Variants in ABCB4 observed in about 807,000 individuals in gnomAD.
ABCB4 encodes the protein phosphatidylcholine translocator ABCB4.
ABCB4 carries 76 observed loss-of-function variants against 145.7 expected under a neutral mutation model. That is an observed-to-expected ratio of 0.52 (90% CI 0.43 to 0.63). The LOEUF (loss-of-function observed/expected upper bound fraction) is 0.63. Among genes scored for constraint, ABCB4 ranks in the 30% least tolerant of loss-of-function variants. The pLI is 0.00. For synonymous variants in ABCB4, 517 were observed against 566.8 expected, an observed-to-expected ratio of 0.91 and a Z score of 1.25; for missense variants, 1,234 against 1,553.1, an observed-to-expected ratio of 0.79 and a Z score of 3.45.
chr7:87,394,434 G>A, the ABCB4 span, among the ~76,000 whole-genome samples: 1 of 152,050 alleles, frequency 6.6e-6, no homozygotes. Flanking sequence ...CTCCCAAGAA[G>A]CAGAGAAAAG....
At chr7:87,397,767 T>TTTAAC (rs1584656382), downstream of ABCB4, among the ~76,000 whole-genome samples, 1 of 152,374 alleles carries the variant, frequency 6.6e-6, no homozygotes, top group East Asian at 1.9e-4. Flanking sequence ...TTTCTCTTTG[T>TTTAAC]TTAACTTAAA....
intron 15 of ABCB4, among the ~76,000 whole-genome samples, chr7:87,430,352 A>G (rs982433791): frequency 2.6e-5 from 4 of 152,210 alleles, no homozygotes; most frequent in Non-Finnish European, 4.4e-5. Flanking sequence ...AGTTGTATCA[A>G]AGCAAATGTA....
intron 21 of ABCB4, among the ~76,000 whole-genome samples, 167 bp from the exon 22 acceptor site, chr7:87,413,884 A>C (rs1808793488): frequency 6.6e-6 from 1 of 152,238 alleles, no homozygotes; most frequent in African/African-American, 2.4e-5. Context: ...TAGCTTTATG[A>C]CAAAACTGGT....
intron 25 of ABCB4, among the ~76,000 whole-genome samples, 169 bp downstream of exon 25, chr7:87,407,868 T>C (rs1038432404): frequency 2.0e-5 from 3 of 152,338 alleles, no homozygotes; most frequent in African/African-American, 7.2e-5. Flanking sequence ...TTCTGTCCTA[T>C]TGTCCCCATA....
At chr7:87,455,750 A>G (rs372317954) in intron 4 of ABCB4, among the ~76,000 whole-genome samples, 4 of 152,324 alleles carry the variant, frequency 2.6e-5, no homozygotes, top group Middle Eastern at 3.4e-3. Flanking sequence ...CCATGGTCCT[A>G]GGAGAGAAAT....
intron 4 of ABCB4, among the ~76,000 whole-genome samples, chr7:87,456,635 C>G (rs1347405534): frequency 6.6e-6 from 1 of 152,144 alleles, no homozygotes; most frequent in Non-Finnish European, 1.5e-5. Flanking sequence ...AACATATTTT[C>G]TTCATAAATT....
chr7:87,429,903 C>A (rs1177877685), intron 15 of ABCB4, among the ~76,000 whole-genome samples: 2 of 130,740 alleles, frequency 1.5e-5, no homozygotes, highest in Non-Finnish European at 3.2e-5. Flanking sequence ...TGTGTCAGGT[C>A]TTTTTTTTTT....
At chr7:87,424,166 G>T in intron 16 of ABCB4, 114 bp from the exon 17 acceptor site, 1 of 1,262,506 alleles carries the variant, frequency 7.9e-7, no homozygotes, top group Non-Finnish European at 1.2e-6. Context: ...TAGGTGCAGA[G>T]AATGACAAGC....
chr7:87,397,214 G>A (rs979815063), downstream of ABCB4, among the ~76,000 whole-genome samples: 1 of 151,998 alleles, frequency 6.6e-6, no homozygotes, highest in Non-Finnish European at 1.5e-5. Flanking sequence ...TAGCTGGTGT[G>A]GTAGCACACA....
chr7:87,394,132 G>A, the ABCB4 span, among the ~76,000 whole-genome samples: 1 of 152,294 alleles, frequency 6.6e-6, no homozygotes, highest in South Asian at 2.1e-4. Flanking sequence ...TAAAGATGCA[G>A]TTTTCAATCA....
At chr7:87,381,242 G>C in the ABCB4 span, among the ~76,000 whole-genome samples, 2 of 152,114 alleles carry the variant, frequency 1.3e-5, no homozygotes, top group Non-Finnish European at 2.9e-5. Context: ...TTTTATCTAA[G>C]GAACATGGGG....
chr7:87,469,773 C>T (rs1385844833), intron 3 of ABCB4, among the ~76,000 whole-genome samples: 1 of 152,024 alleles, frequency 6.6e-6, no homozygotes, highest in Non-Finnish European at 1.5e-5. Context: ...GAATCAATAT[C>T]GTGAAAATGG....
chr7:87,459,269 GA>G (rs1159223453), intron 4 of ABCB4, among the ~76,000 whole-genome samples: 3 of 152,064 alleles, frequency 2.0e-5, no homozygotes, highest in Non-Finnish European at 2.9e-5. Context: ...TTGCAAAATT[GA>G]AATTCTATAC....
chr7:87,468,941 T>TA (rs1554416079), intron 3 of ABCB4, among the ~76,000 whole-genome samples: 20 of 138,876 alleles, frequency 1.4e-4, no homozygotes, highest in African/African-American at 5.8e-4. Context: ...AAAAAATAAA[T>TA]AAATAAAATA....
chr7:87,415,585 C>T (rs1266014691), intron 21 of ABCB4, among the ~76,000 whole-genome samples: 8 of 151,990 alleles, frequency 5.3e-5, no homozygotes, highest in Non-Finnish European at 1.2e-4. Context: ...ATCTCTGATG[C>T]TTAGAATAAC....
At position 87,434,362 on chromosome 7, in the gene ABCB4, TTTC is replaced by T. The variant is rs569918838; in HGVS notation, c.1732-2800_1732-2798del. Among the ~76,000 whole-genome samples, 143 of 152,314 alleles carry T rather than the reference TTTC, an allele frequency of 9.4e-4. 1 individual carries two copies. Among genetic ancestry groups the T allele is most frequent in the East Asian group, 6.9e-3 (36 of 5,192 alleles). On this transcript the variant is annotated intron_variant, in intron 14 of 27. Transcript: ENST00000649586. ...AAAATACAAAATCTGCTGTTATATC[TTTC>T]TTCAAGATCTTATATTTAATAGCAT...
At position 87,418,551 on chromosome 7, in the gene ABCB4, C is replaced by A; in HGVS notation, c.2464G>T (p.Ala822Ser). The A allele has an allele frequency of 1.2e-6, 2 of 1,614,084 alleles. No homozygotes were observed. The highest frequency in any genetic ancestry group is 1.1e-5 in the South Asian group (1 of 91,066). The change falls in exon 20 of 28, where the codon GCC becomes TCC. Residue 822 changes from alanine (A) to serine (S), a missense_variant. Transcript: ENST00000649586. ...ALSTRLATDA[A>S]QVQGATGTRL... Reference sequence around the variant, plus strand: ...AGTCTACCTACTCCTTGGACTTGGGCAGCATCTGTGGCAAGTCTTGTAGAA... The same window carrying A: ...AGTCTACCTACTCCTTGGACTTGGGAAGCATCTGTGGCAAGTCTTGTAGAA...
At chr7:87,402,633 T>C (rs996158202) in intron 27 of ABCB4, among the ~76,000 whole-genome samples, 1 of 152,226 alleles carries the variant, frequency 6.6e-6, no homozygotes, top group African/African-American at 2.4e-5. Context: ...GCAGCTTTTT[T>C]CTTTTGAATG....
the ABCB4 span, chr7:87,391,803 T>C: frequency 7.8e-7 from 1 of 1,276,610 alleles, no homozygotes; most frequent in African/African-American, 1.6e-5. Context: ...TTTGCTTCAG[T>C]TTTCCTGGAT....
Sources: allele counts gnomAD v4.1 joint callset (sites outside exome capture counted in the v4.1 genomes callset), GRCh38; gene constraint gnomAD v4.1.1; transcripts MANE v1.5; gene names NCBI Gene and HGNC (gene_info 2026-07-23, HGNC 2026-07-21).